Variants in PALD1 observed in about 807,000 individuals in gnomAD.
PALD1 encodes paladin.
Under a neutral mutation model 96.0 loss-of-function variants are expected in PALD1, and 57 were observed. The observed-to-expected ratio is 0.59, with a 90% CI of 0.48 to 0.74. PALD1 has a LOEUF of 0.74. PALD1 is among the 30% of genes least tolerant of loss of function. The pLI, the probability that PALD1 is intolerant of heterozygous loss-of-function variation, is 0.00. For synonymous variants in PALD1, 464 were observed against 473.6 expected (o/e 0.98, Z 0.26); for missense variants, 1,063 against 1,143.7 (o/e 0.93, Z 1.02).
intron 10 of PALD1, 23 bp from the exon 11 acceptor site, chr10:70,537,788 T>C: frequency 6.4e-7 from 1 of 1,568,078 alleles, no homozygotes; most frequent in South Asian, 1.1e-5. Flanking sequence ...AGTCTGTCCT[T>C]AACACCCTGT....
At chr10:70,459,131 G>A in the PALD1 span, among the ~76,000 whole-genome samples, 1 of 122,452 alleles carries the variant, frequency 8.2e-6, no homozygotes, top group South Asian at 2.8e-4. Flanking sequence ...CGGTTTATAA[G>A]AGCCACTGCC....
At chr10:70,500,845 T>C (rs1846279702) in intron 1 of PALD1, among the ~76,000 whole-genome samples, 1 of 152,052 alleles carries the variant, frequency 6.6e-6, no homozygotes, top group Non-Finnish European at 1.5e-5. Context: ...GTTCCTCCCA[T>C]GCCAGGGGCG....
At chr10:70,550,263 A>G (rs1016709143) in intron 18 of PALD1, among the ~76,000 whole-genome samples, 1 of 152,196 alleles carries the variant, frequency 6.6e-6, no homozygotes, top group Non-Finnish European at 1.5e-5. Flanking sequence ...GAAGTCTCCC[A>G]GGTGATTCCA....
the PALD1 span, among the ~76,000 whole-genome samples, chr10:70,467,925 T>C: frequency 6.6e-6 from 1 of 152,126 alleles, no homozygotes; most frequent in Non-Finnish European, 1.5e-5. Context: ...CTGAGTTATC[T>C]GAAGTTCGCC....
At chr10:70,511,026 A>T (rs924908957) in intron 1 of PALD1, among the ~76,000 whole-genome samples, 5 of 152,096 alleles carry the variant, frequency 3.3e-5, no homozygotes, top group African/African-American at 1.2e-4. Context: ...ACTCCGCCCA[A>T]ACGTGGAGCT....
In PALD1 at chr10:70,541,206, G is replaced by C; in HGVS notation, c.2013G>C (p.Ala671=). ...GCGGCCAGGGCCGTACCACAACTGC[G>C]ATGGTGGTGGCTGTCCTGGCCTTCT... ...CLSGQGRTTT[A]MVVAVLAFWH... The change falls in exon 16 of 20, where the codon GCG becomes GCC. Residue 671 remains alanine, a synonymous_variant. Coordinates refer to ENST00000263563, the MANE Select transcript of PALD1 (RefSeq NM_014431.3). 6.2e-7 allele frequency: 1 copy of C among 1,613,270 alleles called. No individual in the cohort carries two copies. The highest frequency in any genetic ancestry group is 1.3e-5 in the African/African-American group (1 of 75,024).
At chr10:70,465,043 C>T in the PALD1 span, among the ~76,000 whole-genome samples, 38 of 151,916 alleles carry the variant, frequency 2.5e-4, no homozygotes, top group South Asian at 8.3e-4. Flanking sequence ...GGCATGATCT[C>T]GGCTCACTGC....
intron 1 of PALD1, among the ~76,000 whole-genome samples, chr10:70,503,336 G>C (rs988231962): frequency 6.6e-6 from 1 of 152,114 alleles, no homozygotes; most frequent in African/African-American, 2.4e-5. Context: ...TAATCCATAT[G>C]TTGAATGACA....
chr10:70,471,660 C>A, the PALD1 span, among the ~76,000 whole-genome samples: 2 of 152,332 alleles, frequency 1.3e-5, no homozygotes, highest in East Asian at 3.9e-4. Flanking sequence ...CTATGAATAG[C>A]CTTGTTCAGT....
intron 2 of PALD1, among the ~76,000 whole-genome samples, chr10:70,528,129 C>T (rs1482020865): frequency 8.5e-6 from 1 of 117,484 alleles, no homozygotes; most frequent in East Asian, 2.1e-4. Flanking sequence ...TTTATGGCTA[C>T]ATAGTATTCC....
intron 11 of PALD1, 117 bp downstream of exon 11, chr10:70,538,023 G>A: frequency 1.2e-6 from 1 of 821,320 alleles, no homozygotes; most frequent in South Asian, 1.6e-5. Flanking sequence ...GGAGGGAAGG[G>A]AGGCCAGGAG....
chr10:70,481,464 C>G (rs1845930967), intron 1 of PALD1, among the ~76,000 whole-genome samples: 1 of 152,208 alleles, frequency 6.6e-6, no homozygotes, highest in African/African-American at 2.4e-5. Flanking sequence ...TACTCAGAGT[C>G]ATTTGGCCTC....
chr10:70,513,840 G>T (rs1029183252), intron 1 of PALD1, among the ~76,000 whole-genome samples: 2 of 152,208 alleles, frequency 1.3e-5, no homozygotes, highest in African/African-American at 4.8e-5. Flanking sequence ...AGGCAACTAG[G>T]GGTGCTGGAA....
chr10:70,564,633 A>G, intron 19 of PALD1, 114 bp downstream of exon 19: 1 of 951,786 alleles, frequency 1.1e-6, no homozygotes. Context: ...ACAGGCGGGA[A>G]GAGCCCCCAT....
chr10:70,561,918 C>G (rs1471350555), intron 18 of PALD1, among the ~76,000 whole-genome samples: 1 of 152,214 alleles, frequency 6.6e-6, no homozygotes. Context: ...GCTGCTGTGG[C>G]TGCTTTGAAA....
intron 1 of PALD1, among the ~76,000 whole-genome samples, chr10:70,499,789 G>A (rs1424168219): frequency 6.6e-6 from 1 of 152,180 alleles, no homozygotes; most frequent in African/African-American, 2.4e-5. Context: ...GTGAGCCTAG[G>A]CATTCAGGGC....
At chr10:70,499,713 C>G (rs1281970560) in intron 1 of PALD1, among the ~76,000 whole-genome samples, 1 of 152,208 alleles carries the variant, frequency 6.6e-6, no homozygotes, top group Non-Finnish European at 1.5e-5. Context: ...GCCCGGGGGC[C>G]TGGAGAGCCA....
chr10:70,467,780 C>T, the PALD1 span, among the ~76,000 whole-genome samples: 121 of 152,196 alleles, frequency 8.0e-4, no homozygotes, highest in African/African-American at 2.6e-3. Flanking sequence ...GCACTTAGAA[C>T]GCACCCAGGA....
intron 1 of PALD1, among the ~76,000 whole-genome samples, chr10:70,481,832 G>A (rs566592517): frequency 6.6e-6 from 1 of 152,342 alleles, no homozygotes; most frequent in East Asian, 1.9e-4. Context: ...GGTCTCCTCT[G>A]CCCAACCTGG....
Sources: allele counts gnomAD v4.1 joint callset (sites outside exome capture counted in the v4.1 genomes callset), GRCh38; gene constraint gnomAD v4.1.1; transcripts MANE v1.5; gene names NCBI Gene and HGNC (gene_info 2026-07-23, HGNC 2026-07-21).